Variants in NUP188 observed in about 807,000 individuals in gnomAD.
NUP188 encodes nucleoporin NUP188.
NUP188 carries 97 observed loss-of-function variants against 223.0 expected under a neutral mutation model. The ratio of observed to expected loss-of-function variants is 0.43; its 90% CI spans 0.37 to 0.51. The LOEUF is 0.51. Among genes scored for constraint, NUP188 ranks in the 20% least tolerant of loss-of-function variants. The pLI, the probability that NUP188 is intolerant of heterozygous loss-of-function variation, is 0.00. For synonymous variants in NUP188, 869 were observed against 828.0 expected, an observed-to-expected ratio of 1.05 and a Z score of -0.85; for missense variants, 1,947 against 2,175.6, an observed-to-expected ratio of 0.89 and a Z score of 2.09.
chr9:128,960,301 A>G (rs1227322219), intron 8 of NUP188, among the ~76,000 whole-genome samples: 1 of 150,706 alleles, frequency 6.6e-6, no homozygotes, highest in African/African-American at 2.4e-5. Flanking sequence ...GTTAGCCAGG[A>G]TGGTCTCTAT....
chr9:128,947,825 T>C, intron 1 of NUP188, 74 bp downstream of exon 1: 2 of 1,291,296 alleles, frequency 1.5e-6, no homozygotes, highest in South Asian at 2.2e-5. Context: ...GGGGCGGGAA[T>C]TGGAGGCGGG....
chr9:129,006,722 C>T lies in NUP188; in HGVS notation c.*44C>T, dbSNP rs775861790. 6.4e-7 allele frequency: 1 copy of T among 1,562,640 alleles called. No individual in the cohort carries two copies. The highest frequency in any genetic ancestry group is 8.6e-7 in the Non-Finnish European group (1 of 1,158,200). On this transcript the variant is annotated 3_prime_UTR_variant, in exon 44 of 44. Transcript: ENST00000372577. ...ACCTACCCCTCTCCACCAGCCTACA[C>T]TGCACCCTGGCTGGCAGGGGTGCTG...
intron 37 of NUP188, 106 bp downstream of exon 37, chr9:129,003,081 T>A: frequency 7.7e-7 from 1 of 1,300,554 alleles, no homozygotes; most frequent in Non-Finnish European, 1.0e-6. Flanking sequence ...TAGCGGAGGG[T>A]TGTCGATGCC....
rs745672169 is a variant in NUP188, at chr9:128,983,355, T to G, written c.1859T>G (p.Val620Gly). 2 of 1,614,150 alleles carry G rather than the reference T, an allele frequency of 1.2e-6. No homozygotes were observed. Among genetic ancestry groups the G allele is most frequent in the Admixed American group, 3.3e-5 (2 of 60,018 alleles). ...GCTTCTTGTGTCAACTGCTTAACTG[T>G]TTTGGCTGCCCGCAATCCAGCAAAG... ...VIASCVNCLTVLAARNPAKVW... is the reference protein window; with the variant it reads ...VIASCVNCLTGLAARNPAKVW... Residue 620 changes from valine (V) to glycine (G), a missense_variant, in exon 18 of 44, where the codon GTT becomes GGT. Physicochemically the swap from Val to Gly is moderately radical, Grantham distance 109. This residue lies in a region of NUP188 where 817 missense variants were observed against 865.8 expected (regional missense o/e 0.94). Transcript: ENST00000372577.
At chr9:128,968,449 G>C (rs1428051408) in intron 8 of NUP188, 57 bp from the exon 9 acceptor site, 1 of 1,349,264 alleles carries the variant, frequency 7.4e-7, no homozygotes, top group Non-Finnish European at 1.1e-6. Flanking sequence ...TGTTCTTTAA[G>C]TACTGTTTTT....
In NUP188 at chr9:128,958,073, T is replaced by C. The variant is rs1315032230; in HGVS notation, c.372+19T>C. 1.9e-6 allele frequency: 3 copies of C among 1,601,168 alleles called. No individual in the cohort carries two copies. Among genetic ancestry groups the C allele is most frequent in the Non-Finnish European group, 2.6e-6 (3 of 1,169,380 alleles). On this transcript the variant is annotated intron_variant, in intron 6 of 43. Transcript: ENST00000372577. ...CCTGAAGGTCAGTAGTAGTCACCAT[T>C]TCTATTCTTTGATGTAAAATTGAGT...
At chr9:128,974,389 GT>G (rs778841218) in intron 12 of NUP188, among the ~76,000 whole-genome samples, 84 of 113,340 alleles carry the variant, frequency 7.4e-4, no homozygotes, top group East Asian at 1.3e-3. Context: ...GCAGGTTGTT[GT>G]TTTTTTTTTT....
chr9:128,974,077 AT>A (rs906401743), intron 12 of NUP188, among the ~76,000 whole-genome samples: 32 of 151,814 alleles, frequency 2.1e-4, no homozygotes, highest in African/African-American at 7.0e-4. Flanking sequence ...CGCCCGGCTA[AT>A]TTTTTTATTT....
At chr9:129,002,697 CTG>C (rs1442047046) in intron 36 of NUP188, 118 bp from the exon 37 acceptor site, 16 of 1,060,358 alleles carry the variant, frequency 1.5e-5, no homozygotes, top group Non-Finnish European at 2.0e-5. Flanking sequence ...CAGACAGTGG[CTG>C]TGTCTATTCT....
chr9:128,992,099 C>T (rs1178075194), intron 25 of NUP188, among the ~76,000 whole-genome samples: 4 of 151,642 alleles, frequency 2.6e-5, no homozygotes, highest in Admixed American at 1.3e-4. Context: ...TTAGTAGAGA[C>T]GGGGTTTCAC....
chr9:129,005,863 A>C, intron 41 of NUP188, 87 bp downstream of exon 41: 1 of 1,512,850 alleles, frequency 6.6e-7, no homozygotes, highest in East Asian at 2.3e-5. Flanking sequence ...CATGTTGGGC[A>C]TGGTACCTAG....
intron 22 of NUP188, among the ~76,000 whole-genome samples, chr9:128,987,209 A>G (rs1385842334): frequency 6.6e-6 from 1 of 151,904 alleles, no homozygotes; most frequent in East Asian, 1.9e-4. Flanking sequence ...GACACTCTTC[A>G]TATATATCTG....
At position 128,969,419 on chromosome 9, in the gene NUP188, C is replaced by G. The variant is rs769831633; in HGVS notation, c.817C>G (p.Leu273Val). ...DRIGYFSALI[L>V]VEGMDIESLH... ...TTCTAGCTACTTCAGTGCCCTCATC[C>G]TGGTGGAGGGCATGGATATCGAGTC... is the stretch of plus-strand genomic sequence containing the variant. The change falls in exon 10 of 44, where the codon CTG becomes GTG. Residue 273 changes from leucine (L) to valine (V), a missense_variant. Leu to Val is a conservative substitution (Grantham distance 32). Around this residue, in one of 3 missense-constraint regions of NUP188, gnomAD observed 817 missense variants for 865.8 expected, o/e 0.94. Transcript: ENST00000372577. 9 of 1,611,420 alleles carry G rather than the reference C, an allele frequency of 5.6e-6. No individual in the cohort carries two copies. Among genetic ancestry groups the G allele is most frequent in the Non-Finnish European group, 1.7e-6 (2 of 1,178,648 alleles).
At position 128,951,293 on chromosome 9, in the gene NUP188, C is replaced by T. The variant is rs185737975; in HGVS notation, c.88-1480C>T. On this transcript the variant is annotated intron_variant, in intron 2 of 43. Transcript: ENST00000372577. ...CTGTACTCCAGCCTGGGTGACAAAG[C>T]GAGACTCCATCTCAAAAAAAAAAAA... Among the ~76,000 whole-genome samples the T allele has an allele frequency of 8.2e-3, 1,098 of 134,502 alleles. 8 individuals carry two copies. Among genetic ancestry groups the T allele is most frequent in the Middle Eastern group, 0.027 (7 of 260 alleles). The allele number at this position is 134,502 out of a possible 152,430, so 88.2% of individuals were successfully genotyped here.
At chr9:128,991,907 CTTTTTTTTTT>C (rs1204961303) in intron 25 of NUP188, among the ~76,000 whole-genome samples, 1 of 117,374 alleles carries the variant, frequency 8.5e-6, no homozygotes, top group African/African-American at 3.0e-5. Flanking sequence ...GTTTTTCTTT[CTTTTTTTTTT>C]TTTTTTTTGA....
rs1842094273 is a variant in NUP188, at chr9:128,970,780, C to A, written c.935C>A (p.Thr312Asn). 1.2e-6 allele frequency: 2 copies of A among 1,614,032 alleles called. No individual in the cohort carries two copies. Among genetic ancestry groups the A allele is most frequent in the Non-Finnish European group, 1.7e-6 (2 of 1,180,004 alleles). ...TAGGATATGGACTGTTTAATGTTGA[C>A]CTTTGGGGACATTCCACATCATGCC... Reference protein sequence around the residue: ...ICQDMDCLMLTFGDIPHHAPV... With the variant: ...ICQDMDCLMLNFGDIPHHAPV... Residue 312 changes from threonine (T) to asparagine (N), a missense_variant, in exon 11 of 44, where the codon ACC (threonine) becomes AAC (asparagine). By Grantham distance (65) the Thr-to-Asn change is moderately conservative (BLOSUM62 0). Transcript: ENST00000372577.
Position 128,980,674 on chromosome 9 carries a change from A to G in NUP188, c.1338A>G (p.Pro446=), listed in dbSNP as rs1259637973. 6.2e-7 allele frequency: 1 copy of G among 1,614,068 alleles called. No homozygotes were observed. The highest frequency in any genetic ancestry group is 8.5e-7 in the Non-Finnish European group (1 of 1,179,984). Residue 446 remains proline (P), a synonymous_variant, in exon 14 of 44, where the codon CCA becomes CCG. Transcript: ENST00000372577. ...GAATGTTTCCCCACCTTCTCTCCCC[A>G]CTCCTGCAACTGCTCCGAGCCCTGG... is the stretch of plus-strand genomic sequence containing the variant. The part of the protein sequence containing the change: ...VCGMFPHLLS[P]LLQLLRALVS...
chr9:128,972,118 G>A (rs1365136003), intron 11 of NUP188, among the ~76,000 whole-genome samples: 1 of 152,208 alleles, frequency 6.6e-6, no homozygotes, highest in East Asian at 1.9e-4. Flanking sequence ...GCCCAAAGGC[G>A]TTGAAAACAT....
chr9:128,971,402 A>G (rs1184002383), intron 11 of NUP188, among the ~76,000 whole-genome samples: 1 of 152,064 alleles, frequency 6.6e-6, no homozygotes, highest in Non-Finnish European at 1.5e-5. Flanking sequence ...GGCATGGTTT[A>G]GAGAGCTTGT....
Sources: allele counts gnomAD v4.1 joint callset (sites outside exome capture counted in the v4.1 genomes callset), GRCh38; gene constraint gnomAD v4.1.1; regional missense constraint gnomAD v4.1.1; transcripts MANE v1.5; gene names NCBI Gene and HGNC (gene_info 2026-07-23, HGNC 2026-07-21).